PPDPFL: variants seen among roughly 807,000 people sequenced by gnomAD.
The protein encoded by PPDPFL is pancreatic progenitor cell differentiation and proliferation factor-like protein.
PPDPFL carries 12 observed loss-of-function variants against 12.6 expected under a neutral mutation model. That is an observed-to-expected ratio of 0.95 (90% CI 0.61 to 1.54). The LOEUF (loss-of-function observed/expected upper bound fraction) is 1.54. Ranked by LOEUF, PPDPFL falls within the 40% of genes most tolerant of loss-of-function variation. The pLI, the probability that PPDPFL is intolerant of heterozygous loss-of-function variation, is 0.00. For missense variants in PPDPFL, 114 were observed against 96.0 expected (o/e 1.19, Z -0.78); for synonymous variants, 24 against 32.7 (o/e 0.73, Z 0.91).
rs1224288428 is a variant in PPDPFL, at chr8:49,075,915, T to A, written c.*742T>A. On this transcript the variant is annotated 3_prime_UTR_variant, in exon 5 of 5. Transcript: ENST00000522267. ...ATCGTAGTTGTATTAAAAAGTTACA[T>A]ATGCATAAAGATAGACTGGAAGGAA... 6.6e-6 allele frequency: 1 copy of A among 152,226 alleles called. No homozygotes were observed. The highest frequency in any genetic ancestry group is 2.4e-5 in the African/African-American group (1 of 41,444). The allele number at this position is 152,226 out of a possible 1,614,324, so 9.4% of individuals were successfully genotyped here. A position where few individuals can be genotyped will look rare whatever the true frequency, so the allele number is the denominator to read the frequency against.
chr8:49,067,132 T>C (rs1441893852), intron 1 of PPDPFL, among the ~76,000 whole-genome samples: 3 of 152,242 alleles, frequency 2.0e-5, no homozygotes, highest in African/African-American at 4.8e-5. Context: ...TTGAATTATA[T>C]GTATTGAAAC....
chr8:49,066,579 G>A (rs545850121), intron 1 of PPDPFL, among the ~76,000 whole-genome samples: 1 of 152,282 alleles, frequency 6.6e-6, no homozygotes, highest in South Asian at 2.1e-4. Context: ...GGGTCAGTAA[G>A]AGAGGGCACT....
At chr8:49,055,462 A>G (rs1038917287) in intron 1 of PPDPFL, among the ~76,000 whole-genome samples, 2 of 152,144 alleles carry the variant, frequency 1.3e-5, no homozygotes, top group Non-Finnish European at 2.9e-5. Context: ...TGTTAGGTTG[A>G]TATGTCCTGG....
Position 49,072,896 on chromosome 8 carries a change from T to A in PPDPFL, c.55+11T>A. On this transcript the variant is annotated intron_variant, in intron 2 of 4. Coordinates refer to ENST00000522267, the MANE Select transcript of PPDPFL (RefSeq NM_001256597.2). Reference sequence around the variant, plus strand: ...ATCAGTATTATCGAAGTAAGTTGCATCATCATAGAGACGTCCCTAGATAAT... The same window carrying A: ...ATCAGTATTATCGAAGTAAGTTGCAACATCATAGAGACGTCCCTAGATAAT... The A allele has an allele frequency of 1.2e-6, 2 of 1,602,242 alleles. No homozygotes were observed. The highest frequency in any genetic ancestry group is 2.2e-5 in the South Asian group (2 of 89,346).
intron 1 of PPDPFL, among the ~76,000 whole-genome samples, chr8:49,058,131 TA>T (rs758343192): frequency 6.6e-4 from 100 of 152,286 alleles, no homozygotes; most frequent in Admixed American, 1.1e-3. Context: ...GAATTAAGCA[TA>T]AGGAAATTTG....
Position 49,074,574 on chromosome 8 carries a change from T to C in PPDPFL, c.233+241T>C, listed in dbSNP as rs1171450776. ...TCACTCAAGAGTGGTGGAGAAGTCA[T>C]ATGCCAAACTGTGTCATTGTTTGGC... On this transcript the variant is annotated intron_variant, in intron 4 of 4. Transcript: ENST00000522267. The C allele has an allele frequency of 7.8e-6, 12 of 1,536,322 alleles. No homozygotes were observed. In the South Asian group the frequency reaches 1.2e-4, roughly 15 times the overall value.
chr8:49,061,153 C>T (rs940843145), intron 1 of PPDPFL, among the ~76,000 whole-genome samples: 3 of 151,956 alleles, frequency 2.0e-5, no homozygotes, highest in African/African-American at 7.2e-5. Context: ...CCGTGTCCCT[C>T]AAAACTCAGA....
chr8:49,066,411 A>C (rs1585673385), intron 1 of PPDPFL, among the ~76,000 whole-genome samples: 1 of 152,184 alleles, frequency 6.6e-6, no homozygotes, highest in African/African-American at 2.4e-5. Flanking sequence ...GACTTGGGCA[A>C]GTGCTTCTCT....
At chr8:49,054,756 CA>C (rs2129243004) in intron 1 of PPDPFL, among the ~76,000 whole-genome samples, 1 of 152,176 alleles carries the variant, frequency 6.6e-6, no homozygotes, top group South Asian at 2.1e-4. Flanking sequence ...TCTTAATGCA[CA>C]AATTTGAAGC....
At position 49,075,510 on chromosome 8, in the gene PPDPFL, T is replaced by C. The variant is rs916870706; in HGVS notation, c.*337T>C. On this transcript the variant is annotated 3_prime_UTR_variant, in exon 5 of 5. Coordinates refer to ENST00000522267, the MANE Select transcript of PPDPFL (RefSeq NM_001256597.2). ...TGCCTTTAGAAACAAGACACCCTTT[T>C]AAAGTAATATGTCTTCAAATGTTGT... 1 of 560,962 alleles carries C rather than the reference T, an allele frequency of 1.8e-6. No individual in the cohort carries two copies. The highest frequency in any genetic ancestry group is 1.9e-5 in the African/African-American group (1 of 53,276). 34.7% of individuals were successfully genotyped at this position (560,962 alleles called of 1,614,324 possible).
At chr8:49,066,564 G>A (rs1444392897) in intron 1 of PPDPFL, among the ~76,000 whole-genome samples, 2 of 152,160 alleles carry the variant, frequency 1.3e-5, no homozygotes, top group Non-Finnish European at 2.9e-5. Context: ...AAGCATATGA[G>A]CCAGGGGTCA....
intron 1 of PPDPFL, among the ~76,000 whole-genome samples, chr8:49,066,238 C>T (rs1808298314): frequency 6.6e-6 from 1 of 152,196 alleles, no homozygotes; most frequent in Non-Finnish European, 1.5e-5. Context: ...TACTGAAAGA[C>T]AGCAGCTTTT....
chr8:49,060,154 G>A (rs1378690200), intron 1 of PPDPFL, among the ~76,000 whole-genome samples: 2 of 152,010 alleles, frequency 1.3e-5, no homozygotes, highest in African/African-American at 4.8e-5. Context: ...TGTATGTGTA[G>A]GTCTCAGATT....
At chr8:49,072,242 C>T (rs1808402720), upstream of PPDPFL, 1 of 152,412 alleles carries the variant, frequency 6.6e-6, no homozygotes, top group Non-Finnish European at 1.5e-5. Context: ...TGCTTGCTGC[C>T]TCTGGCTGGC....
At chr8:49,072,922 A>G (rs185975963) in intron 2 of PPDPFL, 37 bp downstream of exon 2, 36 of 1,546,266 alleles carry the variant, frequency 2.3e-5, no homozygotes, top group Admixed American at 1.8e-4. Flanking sequence ...CCTAGATAAT[A>G]TGATTTGAGG....
upstream of PPDPFL, among the ~76,000 whole-genome samples, chr8:49,071,279 G>A (rs1323576358): frequency 6.6e-6 from 1 of 152,184 alleles, no homozygotes; most frequent in African/African-American, 2.4e-5. Flanking sequence ...AATAGCCACT[G>A]AACAAATCGA....
At chr8:49,056,664 A>C (rs921524126) in intron 1 of PPDPFL, among the ~76,000 whole-genome samples, 7 of 152,210 alleles carry the variant, frequency 4.6e-5, no homozygotes, top group African/African-American at 1.7e-4. Flanking sequence ...AGAATTTACA[A>C]AGTATATTGG....
chr8:49,066,960 G>T (rs1481860385), intron 1 of PPDPFL, among the ~76,000 whole-genome samples: 1 of 152,128 alleles, frequency 6.6e-6, no homozygotes, highest in Non-Finnish European at 1.5e-5. Context: ...GCTCATGAGA[G>T]CACACTGCTC....
chr8:49,069,333 G>A (rs1808344918), upstream of PPDPFL, among the ~76,000 whole-genome samples: 1 of 152,158 alleles, frequency 6.6e-6, no homozygotes, highest in African/African-American at 2.4e-5. Flanking sequence ...TAACATAATG[G>A]CAGTATACAG....
Sources: gnomAD v4.1 joint callset for allele counts (sites outside exome capture counted in the v4.1 genomes callset) on GRCh38, gnomAD v4.1.1 for gene constraint, MANE v1.5 for transcripts, NCBI Gene and HGNC (gene_info 2026-07-23, HGNC 2026-07-21) for gene names.